SUSD1: variants seen among roughly 807,000 people sequenced by gnomAD.
SUSD1 encodes the protein sushi domain-containing protein 1.
A neutral mutation model predicts 86.9 loss-of-function variants in SUSD1; 65 were observed. That is an observed-to-expected ratio of 0.75 (90% CI 0.61 to 0.92). The LOEUF is 0.92. Among genes scored for constraint, SUSD1 ranks in the 40% least tolerant of loss-of-function variants. The pLI, the probability that SUSD1 is intolerant of heterozygous loss-of-function variation, is 0.00. For missense variants in SUSD1, 850 were observed against 929.7 expected, an observed-to-expected ratio of 0.91 and a Z score of 1.11; for synonymous variants, 346 against 350.0, an observed-to-expected ratio of 0.99 and a Z score of 0.13.
chr9:112,070,797 G>A (rs1204234559), intron 12 of SUSD1, among the ~76,000 whole-genome samples: 2 of 152,124 alleles, frequency 1.3e-5, no homozygotes, highest in African/African-American at 4.8e-5. Flanking sequence ...CAGACAAACA[G>A]TGAAAAAAAG....
rs1412203883 is a variant in SUSD1, at chr9:112,041,318, G to C, written c.*174C>G. On this transcript the variant is annotated 3_prime_UTR_variant, in exon 17 of 17. Transcript: ENST00000374270. ...GTTTTCTCCTTATGGTGACTCCTCA[G>C]GGATAGCCACCATCTTAAATCCAGG... 4.5e-6 allele frequency: 3 copies of C among 670,218 alleles called. No homozygotes were observed. In the African/African-American group the frequency reaches 5.3e-5, roughly 12 times the overall value. 41.5% of individuals were successfully genotyped at this position (670,218 alleles called of 1,614,324 possible).
At chr9:112,152,004 A>G (rs989951389) in intron 2 of SUSD1, among the ~76,000 whole-genome samples, 6 of 151,948 alleles carry the variant, frequency 3.9e-5, no homozygotes, top group African/African-American at 1.2e-4. Flanking sequence ...ATTGCACTCC[A>G]GCCTGGGCAA....
At chr9:112,134,767 TTA>T (rs1832186037) in intron 5 of SUSD1, among the ~76,000 whole-genome samples, 1 of 145,304 alleles carries the variant, frequency 6.9e-6, no homozygotes, top group African/African-American at 2.6e-5. Flanking sequence ...TTGAAATTAT[TTA>T]AAAAAAAAAA....
chr9:112,146,194 A>C (rs995012044), intron 3 of SUSD1: 3 of 152,232 alleles, frequency 2.0e-5, no homozygotes, highest in African/African-American at 7.2e-5. Context: ...CAGTATTATC[A>C]AGAAAAGCAA....
At chr9:112,070,530 T>C (rs1015986052) in intron 12 of SUSD1, among the ~76,000 whole-genome samples, 1 of 152,178 alleles carries the variant, frequency 6.6e-6, no homozygotes, top group African/African-American at 2.4e-5. Flanking sequence ...AGGCAAGAAA[T>C]GGGTCCTGCC....
At chr9:112,123,821 A>G (rs1831652195) in intron 6 of SUSD1, among the ~76,000 whole-genome samples, 1 of 152,120 alleles carries the variant, frequency 6.6e-6, no homozygotes, top group South Asian at 2.1e-4. Context: ...AAAAGAAATA[A>G]AACTATATTA....
chr9:112,052,298 C>G, intron 15 of SUSD1, 101 bp downstream of exon 15: 2 of 1,602,558 alleles, frequency 1.2e-6, no homozygotes. Flanking sequence ...GAATTGGGTT[C>G]TGGTCACCAG....
chr9:112,127,246 C>G (rs1172617256), intron 5 of SUSD1, among the ~76,000 whole-genome samples: 1 of 152,130 alleles, frequency 6.6e-6, no homozygotes, highest in African/African-American at 2.4e-5. Flanking sequence ...GTGGCACATG[C>G]GCCTGTAATC....
At chr9:112,060,219 G>T (rs1278293689) in intron 13 of SUSD1, among the ~76,000 whole-genome samples, 2 of 151,964 alleles carry the variant, frequency 1.3e-5, no homozygotes, top group African/African-American at 4.8e-5. Flanking sequence ...CCCCCACCAG[G>T]TTCCCAAACA....
chr9:112,115,586 C>A (rs993123426), intron 6 of SUSD1, among the ~76,000 whole-genome samples: 1 of 151,998 alleles, frequency 6.6e-6, no homozygotes, highest in Admixed American at 6.6e-5. Flanking sequence ...ATGGGCATAT[C>A]ACTTGAGGTC....
chr9:112,081,219 A>C (rs761107461), intron 10 of SUSD1, among the ~76,000 whole-genome samples: 22 of 152,248 alleles, frequency 1.4e-4, no homozygotes, highest in Non-Finnish European at 1.3e-4. Context: ...CGAGTGATAA[A>C]GACAACTCCC....
At chr9:112,077,873 C>T (rs781289367) in intron 12 of SUSD1, among the ~76,000 whole-genome samples, 10 of 152,200 alleles carry the variant, frequency 6.6e-5, no homozygotes, top group South Asian at 2.1e-4. Context: ...GAGCCACAAG[C>T]ATTTTTTGTT....
intron 2 of SUSD1, among the ~76,000 whole-genome samples, chr9:112,156,890 C>T (rs1222593813): frequency 1.3e-5 from 2 of 152,164 alleles, no homozygotes; most frequent in African/African-American, 2.4e-5. Context: ...GTGAAAGTCT[C>T]CCTCTCTCTG....
At chr9:112,084,851 A>G (rs1829910448) in intron 10 of SUSD1, among the ~76,000 whole-genome samples, 2 of 152,224 alleles carry the variant, frequency 1.3e-5, no homozygotes, top group South Asian at 4.1e-4. Flanking sequence ...TTGAAAAACC[A>G]GAACTGCAAG....
chr9:112,043,475 C>A (rs28655782), intron 15 of SUSD1, among the ~76,000 whole-genome samples: 17,148 of 152,026 alleles, frequency 0.11, 1,223 homozygotes, highest in East Asian at 0.29. Flanking sequence ...CCATCCCCTA[C>A]CCCCTACCCA....
chr9:112,049,969 G>C (rs1418413137), intron 15 of SUSD1, among the ~76,000 whole-genome samples: 1 of 152,176 alleles, frequency 6.6e-6, no homozygotes, highest in African/African-American at 2.4e-5. Flanking sequence ...AATGACTGCA[G>C]CCAGCTCTTT....
intron 13 of SUSD1, 43 bp from the exon 14 acceptor site, chr9:112,058,729 G>A: frequency 6.3e-7 from 1 of 1,597,298 alleles, no homozygotes; most frequent in African/African-American, 1.3e-5. Context: ...CCTTGCATGG[G>A]GAGTTCATTC....
intron 9 of SUSD1, among the ~76,000 whole-genome samples, chr9:112,099,825 G>A (rs532331982): frequency 6.6e-6 from 1 of 152,166 alleles, no homozygotes; most frequent in Non-Finnish European, 1.5e-5. Flanking sequence ...CTGACAGGTG[G>A]TTCATAAGGA....
chr9:112,061,900 G>T lies in SUSD1; in HGVS notation c.1850+1037C>A, dbSNP rs562304312. Among the ~76,000 whole-genome samples, 10 of 151,958 alleles carry T rather than the reference G, an allele frequency of 6.6e-5. No individual in the cohort carries two copies. The South Asian group carries it at 2.1e-3, about 32-fold the overall frequency. On this transcript the variant is annotated intron_variant, in intron 13 of 16. Coordinates refer to ENST00000374270, the MANE Select transcript of SUSD1 (RefSeq NM_022486.5). ...GCCATGTACATTTTCATCTCCTTGA[G>T]CTGGTACTGTGAGCAAGCTGTTCAT...
Sources: allele counts gnomAD v4.1 joint callset (sites outside exome capture counted in the v4.1 genomes callset), GRCh38; gene constraint gnomAD v4.1.1; transcripts MANE v1.5; gene names NCBI Gene and HGNC (gene_info 2026-07-23, HGNC 2026-07-21).